The following EPHA6 variants were observed in gnomAD, a reference collection of about 807,000 sequenced individuals.
The protein encoded by EPHA6 is EPH receptor A6, also known as ephrin type-A receptor 6.
In EPHA6, 50 loss-of-function variants were observed where a neutral mutation model predicts 112.0. That is an observed-to-expected ratio of 0.45 (90% CI 0.36 to 0.56). EPHA6 has a LOEUF of 0.56. EPHA6 is among the 20% of genes least tolerant of loss of function. The pLI is 0.00. For missense variants in EPHA6, 1,280 were observed against 1,417.4 expected, an observed-to-expected ratio of 0.90 and a Z score of 1.56; for synonymous variants, 529 against 490.7, an observed-to-expected ratio of 1.08 and a Z score of -1.03.
At chr3:97,213,439 G>C (rs1228963598) in intron 3 of EPHA6, among the ~76,000 whole-genome samples, 1 of 152,110 alleles carries the variant, frequency 6.6e-6, no homozygotes, top group Non-Finnish European at 1.5e-5. Context: ...CTTGAGGACT[G>C]GGCAAGAGTT....
chr3:97,186,659 GAA>G (rs1268212891), intron 3 of EPHA6, among the ~76,000 whole-genome samples: 6 of 152,086 alleles, frequency 3.9e-5, no homozygotes, highest in African/African-American at 1.4e-4. Flanking sequence ...ATTTCTCAGT[GAA>G]AAGAGACAAA....
chr3:96,820,060 C>G (rs188955727), intron 1 of EPHA6, among the ~76,000 whole-genome samples: 1 of 151,912 alleles, frequency 6.6e-6, no homozygotes, highest in Non-Finnish European at 1.5e-5. Flanking sequence ...GGAAGAAGTG[C>G]GTAACATATA....
At chr3:96,825,257 T>A (rs1426600907) in intron 1 of EPHA6, among the ~76,000 whole-genome samples, 1 of 151,752 alleles carries the variant, frequency 6.6e-6, no homozygotes, top group Non-Finnish European at 1.5e-5. Flanking sequence ...ATAAGTGATG[T>A]GACTTGGCTT....
chr3:97,012,707 C>T (rs1254742319), intron 3 of EPHA6, among the ~76,000 whole-genome samples: 1 of 150,310 alleles, frequency 6.7e-6, no homozygotes. Context: ...CAATCTGCCC[C>T]CCTCGGCCTC....
chr3:97,412,007 T>C (rs774491254), intron 6 of EPHA6, among the ~76,000 whole-genome samples: 3 of 152,036 alleles, frequency 2.0e-5, no homozygotes, highest in Non-Finnish European at 2.9e-5. Context: ...CTTGACCTGA[T>C]TTCAGAGGAG....
At chr3:96,905,367 T>G (rs559704751) in intron 2 of EPHA6, among the ~76,000 whole-genome samples, 2 of 152,160 alleles carry the variant, frequency 1.3e-5, no homozygotes, top group East Asian at 3.9e-4. Context: ...TTCTTATAAT[T>G]TTAATATTCA....
chr3:97,312,288 C>T (rs1424755589), intron 5 of EPHA6, among the ~76,000 whole-genome samples: 1 of 151,460 alleles, frequency 6.6e-6, no homozygotes, highest in Non-Finnish European at 1.5e-5. Context: ...ACCTATTATA[C>T]CAACTAGGAC....
chr3:97,567,868 G>A (rs1430340005), intron 11 of EPHA6, among the ~76,000 whole-genome samples: 1 of 152,170 alleles, frequency 6.6e-6, no homozygotes, highest in African/African-American at 2.4e-5. Context: ...GCAGAAGACA[G>A]GAGCAAGGAG....
intron 5 of EPHA6, among the ~76,000 whole-genome samples, chr3:97,359,677 C>T (rs1465313785): frequency 1.3e-5 from 2 of 152,012 alleles, no homozygotes; most frequent in African/African-American, 4.8e-5. Context: ...TTGTTCAAAA[C>T]TTGACATTTG....
At chr3:97,015,321 G>C (rs1225578543) in intron 3 of EPHA6, among the ~76,000 whole-genome samples, 1 of 152,170 alleles carries the variant, frequency 6.6e-6, no homozygotes, top group Admixed American at 6.6e-5. Context: ...GTCCAGCTCT[G>C]TCATTAAGTA....
chr3:96,877,932 T>A (rs77326877), intron 2 of EPHA6, among the ~76,000 whole-genome samples: 78 of 84,272 alleles, frequency 9.3e-4, no homozygotes, highest in African/African-American at 5.9e-3. Context: ...TATATATATT[T>A]TTTTTTTTTC....
intron 14 of EPHA6, among the ~76,000 whole-genome samples, chr3:97,710,884 CA>C (rs1377699782): frequency 6.6e-6 from 1 of 152,202 alleles, no homozygotes; most frequent in Non-Finnish European, 1.5e-5. Context: ...GCAGAGTTTG[CA>C]AATACTACTA....
At chr3:97,189,364 T>C (rs1372152205) in intron 3 of EPHA6, among the ~76,000 whole-genome samples, 1 of 152,046 alleles carries the variant, frequency 6.6e-6, no homozygotes, top group Non-Finnish European at 1.5e-5. Context: ...ATCATGCAGT[T>C]CCTAGAAAGT....
chr3:97,439,606 A>G, intron 6 of EPHA6: 1 of 1,005,696 alleles, frequency 9.9e-7, no homozygotes, highest in Non-Finnish European at 1.2e-6. Context: ...GGAGAATCCA[A>G]GGCAGAGTGG....
chr3:97,064,231 A>G (rs1366660655), intron 3 of EPHA6, among the ~76,000 whole-genome samples: 2 of 152,168 alleles, frequency 1.3e-5, no homozygotes, highest in African/African-American at 4.8e-5. Context: ...AGAATCCTCA[A>G]TTTATTTGAA....
At chr3:97,241,379 A>G (rs2078840910) in intron 4 of EPHA6, among the ~76,000 whole-genome samples, 1 of 151,782 alleles carries the variant, frequency 6.6e-6, no homozygotes, top group Non-Finnish European at 1.5e-5. Context: ...TGTTTCTTTT[A>G]AAGAAACAAA....
chr3:96,913,191 CACACACACACACACACACACACCA>C (rs1486651752), intron 2 of EPHA6, among the ~76,000 whole-genome samples: 6 of 137,810 alleles, frequency 4.4e-5, no homozygotes, highest in Admixed American at 1.6e-4. Context: ...CACACACACA[CACACACACACACACACACACACCA>C]CACACACGGG....
chr3:96,869,375 C>CA (rs200135336), intron 2 of EPHA6, among the ~76,000 whole-genome samples: 7,978 of 100,110 alleles, frequency 0.08, 280 homozygotes, highest in Middle Eastern at 0.13. Context: ...TCAGCTCTTT[C>CA]AAAAAAAAAA....
chr3:96,985,681 A>T (rs1316033395), intron 2 of EPHA6, among the ~76,000 whole-genome samples: 1 of 152,170 alleles, frequency 6.6e-6, no homozygotes, highest in Non-Finnish European at 1.5e-5. Flanking sequence ...TGCCCTCTGG[A>T]TTTCAAGCAA....
Sources: gnomAD v4.1 joint callset for allele counts (sites outside exome capture counted in the v4.1 genomes callset) on GRCh38, gnomAD v4.1.1 for gene constraint, MANE v1.5 for transcripts, NCBI Gene and HGNC (gene_info 2026-07-23, HGNC 2026-07-21) for gene names.